The following PPFIBP1 variants were observed in gnomAD, a reference collection of about 807,000 sequenced individuals.
The protein encoded by PPFIBP1 is liprin-beta-1.
A neutral mutation model predicts 137.8 loss-of-function variants in PPFIBP1; 112 were observed. That is an observed-to-expected ratio of 0.81 (90% CI 0.70 to 0.95). The LOEUF (loss-of-function observed/expected upper bound fraction) is 0.95, where lower values mean the gene tolerates loss of function less well. Among genes scored for constraint, PPFIBP1 ranks in the 40% least tolerant of loss-of-function variants. The pLI is 0.00. For missense variants in PPFIBP1, 1,083 were observed against 1,196.6 expected, an observed-to-expected ratio of 0.91 and a Z score of 1.40; for synonymous variants, 378 against 417.3, an observed-to-expected ratio of 0.91 and a Z score of 1.15.
chr12:27,590,505 A>G (rs901386809), intron 2 of PPFIBP1, among the ~76,000 whole-genome samples: 1 of 152,158 alleles, frequency 6.6e-6, no homozygotes, highest in Admixed American at 6.5e-5. Flanking sequence ...ATATAAAGGA[A>G]CTAAGACCTG....
intron 1 of PPFIBP1, among the ~76,000 whole-genome samples, chr12:27,575,764 A>G (rs2050504042): frequency 6.6e-6 from 1 of 151,472 alleles, no homozygotes; most frequent in Non-Finnish European, 1.5e-5. Flanking sequence ...TTTATGGCTT[A>G]CTTTTCAGTT....
chr12:27,655,211 G>A (rs1345424793), intron 8 of PPFIBP1: 1 of 1,534,706 alleles, frequency 6.5e-7, no homozygotes, highest in Admixed American at 2.0e-5. Flanking sequence ...AGCAGCGGAT[G>A]GAACAAAAAT....
chr12:27,579,149 T>C (rs2050836752), intron 2 of PPFIBP1, among the ~76,000 whole-genome samples: 2 of 152,120 alleles, frequency 1.3e-5, no homozygotes, highest in Non-Finnish European at 2.9e-5. Context: ...GGTACCTGGG[T>C]GGGGAGCTAA....
intron 2 of PPFIBP1, chr12:27,592,548 A>G (rs1417794212): frequency 7.7e-7 from 1 of 1,293,378 alleles, no homozygotes; most frequent in Non-Finnish European, 1.1e-6. Context: ...GCTGACGGGG[A>G]CTCTTGGTGG....
At chr12:27,665,058 G>C (rs1297364284) in intron 12 of PPFIBP1, among the ~76,000 whole-genome samples, 5 of 152,204 alleles carry the variant, frequency 3.3e-5, no homozygotes, top group Admixed American at 2.6e-4. Context: ...CATGGGGGCA[G>C]GCACCTGTAG....
chr12:27,656,592 T>TGA (rs1565952354), intron 8 of PPFIBP1, 24 bp from the exon 9 acceptor site: 1 of 1,436,588 alleles, frequency 7.0e-7, no homozygotes, highest in Non-Finnish European at 9.8e-7. Context: ...ATCTGCTATT[T>TGA]TTAAATGAAT....
At chr12:27,611,283 G>T (rs1215541506) in intron 2 of PPFIBP1, among the ~76,000 whole-genome samples, 2 of 152,174 alleles carry the variant, frequency 1.3e-5, no homozygotes, top group African/African-American at 4.8e-5. Flanking sequence ...GTATTGGAAA[G>T]GTTGGGTCCT....
intron 1 of PPFIBP1, among the ~76,000 whole-genome samples, chr12:27,575,825 G>A (rs777392922): frequency 7.2e-5 from 11 of 152,082 alleles, no homozygotes; most frequent in African/African-American, 1.4e-4. Flanking sequence ...GATTTTTTGC[G>A]AGTGGCTATG....
At chr12:27,529,394 T>G (rs1289981695) in intron 1 of PPFIBP1, among the ~76,000 whole-genome samples, 3 of 152,204 alleles carry the variant, frequency 2.0e-5, no homozygotes, top group Non-Finnish European at 4.4e-5. Flanking sequence ...GGCAAGTCTA[T>G]TCCTAAAGAA....
intron 26 of PPFIBP1, among the ~76,000 whole-genome samples, 165 bp downstream of exon 26, chr12:27,688,588 A>AT (rs1302764053): frequency 1.3e-5 from 2 of 152,216 alleles, no homozygotes; most frequent in Non-Finnish European, 2.9e-5. Context: ...TTGATATCTT[A>AT]TAACTCTAGA....
At chr12:27,649,366 T>C (rs1406759688) in intron 6 of PPFIBP1, among the ~76,000 whole-genome samples, 2 of 152,202 alleles carry the variant, frequency 1.3e-5, no homozygotes, top group African/African-American at 4.8e-5. Flanking sequence ...TGAAATAGTA[T>C]TTGTTACAAC....
intron 2 of PPFIBP1, chr12:27,593,565 G>A (rs2052798452): frequency 5.4e-6 from 2 of 368,812 alleles, no homozygotes; most frequent in Non-Finnish European, 1.0e-5. Context: ...GGAAATCTGA[G>A]TAGTTTCAGG....
intron 2 of PPFIBP1, among the ~76,000 whole-genome samples, chr12:27,605,570 A>G (rs1473371559): frequency 6.6e-6 from 1 of 152,122 alleles, no homozygotes; most frequent in East Asian, 1.9e-4. Context: ...ATTTAACTTA[A>G]TATATAAAAT....
Position 27,681,840 on chromosome 12 carries a change from T to C in PPFIBP1, c.2046+144T>C, listed in dbSNP as rs138951327. 5.1e-5 allele frequency: 44 copies of C among 866,080 alleles called. No individual in the cohort carries two copies. The African/African-American group carries it at 7.1e-4, about 14-fold the overall frequency. 53.6% of individuals were successfully genotyped at this position (866,080 alleles called of 1,614,324 possible). The stretch of plus-strand genomic sequence containing the variant: ...AAAGTTTGGGTTTTCAATTGCTTCA[T>C]GCTTCTTTTTTCTGGTGGTCTTGGG... On this transcript the variant is annotated intron_variant, in intron 22 of 29. Transcript: ENST00000228425.
intron 9 of PPFIBP1, among the ~76,000 whole-genome samples, chr12:27,657,545 G>T (rs914542260): frequency 6.6e-6 from 1 of 151,094 alleles, no homozygotes; most frequent in African/African-American, 2.4e-5. Context: ...TCCATTTTAT[G>T]AACATTAGTA....
chr12:27,656,654 G>A lies in PPFIBP1; in HGVS notation c.735G>A (p.Lys245=). 6.2e-7 allele frequency: 1 copy of A among 1,612,520 alleles called. No individual in the cohort carries two copies. Among genetic ancestry groups the A allele is most frequent in the Non-Finnish European group, 8.5e-7 (1 of 1,178,890 alleles). ...LASLKEQLEE[K]ESEVKRLQEK... ...CTTTAAAAGAACAACTAGAAGAAAAGGAATCTGAAGTAAAAAGGCTACAAG... is the reference window on the plus strand; with the variant it reads ...CTTTAAAAGAACAACTAGAAGAAAAAGAATCTGAAGTAAAAAGGCTACAAG... Residue 245 remains lysine, a synonymous_variant, in exon 9 of 30, where the codon AAG becomes AAA. Transcript: ENST00000228425.
intron 27 of PPFIBP1, among the ~76,000 whole-genome samples, chr12:27,691,487 G>T (rs745816589): frequency 4.6e-5 from 7 of 152,074 alleles, no homozygotes; most frequent in Admixed American, 3.3e-4. Context: ...GCTATTTGGC[G>T]TGAATAAGAA....
intron 18 of PPFIBP1, 141 bp from the exon 19 acceptor site, chr12:27,676,923 T>A: frequency 9.7e-7 from 1 of 1,036,052 alleles, no homozygotes; most frequent in Non-Finnish European, 1.5e-6. Flanking sequence ...GTGTGTAACA[T>A]CAGAAGCACT....
intron 2 of PPFIBP1, among the ~76,000 whole-genome samples, chr12:27,581,863 C>A (rs1400444405): frequency 6.7e-6 from 1 of 150,128 alleles, no homozygotes. Flanking sequence ...ATTTTTTTTT[C>A]TTTAGTGCTT....
Sources: allele counts gnomAD v4.1 joint callset (sites outside exome capture counted in the v4.1 genomes callset), GRCh38; gene constraint gnomAD v4.1.1; transcripts MANE v1.5; gene names NCBI Gene and HGNC (gene_info 2026-07-23, HGNC 2026-07-21).